PTPRR: variants seen among roughly 807,000 people sequenced by gnomAD.
The protein encoded by PTPRR is receptor-type tyrosine-protein phosphatase R.
A neutral mutation model predicts 77.2 loss-of-function variants in PTPRR; 38 were observed. The observed-to-expected ratio is 0.49, with a 90% CI of 0.38 to 0.65. The LOEUF (loss-of-function observed/expected upper bound fraction) is 0.65. PTPRR is among the 30% of genes least tolerant of loss of function. The pLI, the probability that PTPRR is intolerant of heterozygous loss-of-function variation, is 0.00. For missense variants in PTPRR, 744 were observed against 799.2 expected (o/e 0.93, Z 0.83); for synonymous variants, 299 against 283.1 (o/e 1.06, Z -0.57).
chr12:70,682,313 G>A (rs2136728006), intron 10 of PTPRR, among the ~76,000 whole-genome samples: 1 of 152,056 alleles, frequency 6.6e-6, no homozygotes, highest in East Asian at 1.9e-4. Context: ...AAAGTGCTGG[G>A]ATTACAGGCG....
intron 10 of PTPRR, among the ~76,000 whole-genome samples, chr12:70,679,525 T>C (rs4760896): frequency 0.96 from 145,956 of 152,246 alleles, 70,295 homozygotes; most frequent in East Asian, 1. Context: ...AGCAGTCTAT[T>C]TCTTTCTTTA....
chr12:70,774,856 C>T (rs2136989724), intron 2 of PTPRR, among the ~76,000 whole-genome samples: 1 of 152,262 alleles, frequency 6.6e-6, no homozygotes, highest in South Asian at 2.1e-4. Context: ...ATGCTACCTC[C>T]TTCTGTCTGG....
chr12:70,708,485 G>A (rs946376429), intron 6 of PTPRR, among the ~76,000 whole-genome samples: 3 of 151,906 alleles, frequency 2.0e-5, no homozygotes, highest in African/African-American at 4.8e-5. Context: ...ACATCCTAAA[G>A]TTACATCCTA....
At chr12:70,872,211 G>A (rs948432024) in intron 2 of PTPRR, among the ~76,000 whole-genome samples, 4 of 151,908 alleles carry the variant, frequency 2.6e-5, no homozygotes, top group African/African-American at 9.7e-5. Flanking sequence ...TTTCATGCTT[G>A]TAAAATTACT....
At chr12:70,847,340 C>A (rs944907530) in intron 2 of PTPRR, among the ~76,000 whole-genome samples, 2 of 152,144 alleles carry the variant, frequency 1.3e-5, no homozygotes, top group Admixed American at 1.3e-4. Flanking sequence ...GGTCAAACCA[C>A]AAACATAATC....
intron 2 of PTPRR, among the ~76,000 whole-genome samples, chr12:70,838,660 G>T (rs992511932): frequency 6.6e-6 from 1 of 152,172 alleles, no homozygotes; most frequent in African/African-American, 2.4e-5. Context: ...ACATAGTGAA[G>T]AAAAAGATTA....
intron 2 of PTPRR, among the ~76,000 whole-genome samples, chr12:70,790,502 C>T (rs1307902979): frequency 6.6e-6 from 1 of 152,122 alleles, no homozygotes; most frequent in Non-Finnish European, 1.5e-5. Flanking sequence ...ATACAATGGA[C>T]AGCCCAATGC....
intron 2 of PTPRR, among the ~76,000 whole-genome samples, chr12:70,824,343 T>G (rs1361109431): frequency 1.3e-5 from 2 of 152,224 alleles, no homozygotes; most frequent in Non-Finnish European, 2.9e-5. Flanking sequence ...AAACAAATAC[T>G]TTTTCAATCA....
At chr12:70,869,280 T>C (rs988705644) in intron 2 of PTPRR, among the ~76,000 whole-genome samples, 2 of 152,140 alleles carry the variant, frequency 1.3e-5, no homozygotes, top group African/African-American at 4.8e-5. Flanking sequence ...TCAAAATATG[T>C]CTGGTCCAGT....
rs373469188 is a variant in PTPRR at position 70,639,157 on chromosome 12, T to C, written c.*27A>G. ...TAATTTGATTAATCACCCCAAGAGA[T>C]TGATGGTCTGACAAGTCTTCAATGA... On this transcript the variant is annotated 3_prime_UTR_variant, in exon 14 of 14. Transcript: ENST00000283228. The C allele has an allele frequency of 2.8e-5, 45 of 1,592,796 alleles. No homozygotes were observed. In the Admixed American group the frequency reaches 3.2e-4, roughly 11 times the overall value.
chr12:70,658,919 A>C (rs1295574488), intron 12 of PTPRR, among the ~76,000 whole-genome samples: 2 of 100,520 alleles, frequency 2.0e-5, no homozygotes, highest in Non-Finnish European at 4.0e-5. Context: ...TTTTTTTATA[A>C]GACAGAGTCT....
intron 7 of PTPRR, among the ~76,000 whole-genome samples, 171 bp from the exon 8 acceptor site, chr12:70,698,520 T>A (rs576926942): frequency 6.6e-6 from 1 of 152,226 alleles, no homozygotes; most frequent in East Asian, 1.9e-4. Context: ...ATCAGCTGCA[T>A]CCGGACAAGC....
At chr12:70,884,851 A>G (rs1260711272) in intron 2 of PTPRR, among the ~76,000 whole-genome samples, 86 of 141,854 alleles carry the variant, frequency 6.1e-4, no homozygotes, top group African/African-American at 2.2e-3. Context: ...CAGTCTGGGC[A>G]ACAGAGCAAA....
chr12:70,842,215 G>T (rs1015378558), intron 2 of PTPRR, among the ~76,000 whole-genome samples: 2 of 152,158 alleles, frequency 1.3e-5, no homozygotes, highest in Non-Finnish European at 2.9e-5. Context: ...CAACACAACA[G>T]ATTATAATGA....
At chr12:70,849,969 T>C (rs960405589) in intron 2 of PTPRR, among the ~76,000 whole-genome samples, 2 of 152,200 alleles carry the variant, frequency 1.3e-5, no homozygotes, top group Non-Finnish European at 2.9e-5. Flanking sequence ...TTTTTAGTCT[T>C]TACAAAAATA....
chr12:70,751,190 C>T (rs965775915), intron 5 of PTPRR, among the ~76,000 whole-genome samples: 1 of 152,168 alleles, frequency 6.6e-6, no homozygotes, highest in Non-Finnish European at 1.5e-5. Flanking sequence ...GAGAACATTT[C>T]CACACAGTCA....
intron 10 of PTPRR, among the ~76,000 whole-genome samples, chr12:70,680,421 G>T (rs1479548299): frequency 6.6e-6 from 1 of 152,182 alleles, no homozygotes; most frequent in Non-Finnish European, 1.5e-5. Flanking sequence ...GTGTCTGAGG[G>T]TATTGGTTGG....
chr12:70,848,366 T>A (rs1892519676), intron 2 of PTPRR, among the ~76,000 whole-genome samples: 1 of 152,214 alleles, frequency 6.6e-6, no homozygotes. Flanking sequence ...TCTTGCTCTG[T>A]CACCCAGGCT....
At chr12:70,711,337 T>C (rs1056706348) in intron 6 of PTPRR, among the ~76,000 whole-genome samples, 5 of 151,954 alleles carry the variant, frequency 3.3e-5, no homozygotes, top group African/African-American at 9.7e-5. Flanking sequence ...GGGTGCTAAA[T>C]GATGAGAACA....
Sources: allele counts gnomAD v4.1 joint callset (sites outside exome capture counted in the v4.1 genomes callset), GRCh38; gene constraint gnomAD v4.1.1; transcripts MANE v1.5; gene names NCBI Gene and HGNC (gene_info 2026-07-23, HGNC 2026-07-21).